KIRREL3: variants seen among roughly 807,000 people sequenced by gnomAD.
The protein encoded by KIRREL3 is kin of IRRE-like protein 3.
A neutral mutation model predicts 89.7 loss-of-function variants in KIRREL3; 36 were observed. That is an observed-to-expected ratio of 0.40 (90% confidence interval 0.31 to 0.53). The LOEUF (loss-of-function observed/expected upper bound fraction) is 0.53. KIRREL3 is among the 20% of genes least tolerant of loss of function. The probability of loss-of-function intolerance (pLI) is 0.49; values close to 1 mark genes in which losing one functional copy is unlikely to be tolerated. For synonymous variants in KIRREL3, 445 were observed against 441.4 expected (o/e 1.01, Z -0.10); for missense variants, 864 against 1,056.6 (o/e 0.82, Z 2.53).
At chr11:126,629,358 G>T (rs1458362865) in intron 1 of KIRREL3, among the ~76,000 whole-genome samples, 2 of 152,146 alleles carry the variant, frequency 1.3e-5, no homozygotes, top group Non-Finnish European at 2.9e-5. Context: ...TGCCAGCCTT[G>T]TGAGCTTCCT....
intron 1 of KIRREL3, among the ~76,000 whole-genome samples, chr11:126,952,520 AT>A (rs1192460659): frequency 6.6e-6 from 1 of 152,088 alleles, no homozygotes; most frequent in Admixed American, 6.5e-5. Flanking sequence ...ATTTTCTCCC[AT>A]TTTTTAGGTT....
At chr11:126,854,582 C>A (rs7102096) in intron 1 of KIRREL3, among the ~76,000 whole-genome samples, 128,724 of 152,204 alleles carry the variant, frequency 0.85, 54,618 homozygotes, top group East Asian at 1. Context: ...GAATTATATT[C>A]TATTGTAAAT....
intron 16 of KIRREL3, among the ~76,000 whole-genome samples, 183 bp from the exon 17 acceptor site, chr11:126,425,206 G>A (rs1251164513): frequency 6.6e-6 from 1 of 152,196 alleles, no homozygotes; most frequent in African/African-American, 2.4e-5. Flanking sequence ...GGGGAAGAAG[G>A]ACACTGAACA....
intron 1 of KIRREL3, among the ~76,000 whole-genome samples, chr11:126,880,718 T>C (rs1400279458): frequency 6.6e-6 from 1 of 151,998 alleles, no homozygotes; most frequent in African/African-American, 2.4e-5. Context: ...TATGCAAAAG[T>C]ACTCCACAGT....
intron 1 of KIRREL3, among the ~76,000 whole-genome samples, chr11:126,888,275 G>T (rs1945776278): frequency 6.6e-6 from 1 of 152,148 alleles, no homozygotes; most frequent in Non-Finnish European, 1.5e-5. Flanking sequence ...ACAATTCAGA[G>T]CTCTCTGGGG....
intron 4 of KIRREL3, among the ~76,000 whole-genome samples, chr11:126,509,123 G>A (rs1191637667): frequency 1.3e-5 from 2 of 152,192 alleles, no homozygotes; most frequent in Non-Finnish European, 2.9e-5. Context: ...GTGAAAGCCA[G>A]TCTCCTAGGC....
chr11:126,444,810 G>C (rs889552967), intron 10 of KIRREL3, among the ~76,000 whole-genome samples, 169 bp downstream of exon 10: 1 of 152,184 alleles, frequency 6.6e-6, no homozygotes, highest in South Asian at 2.1e-4. Context: ...CCTCAGCCTG[G>C]GTCTGACGGG....
rs948333598 is a variant in KIRREL3, at chr11:126,557,731, C to A, written c.133+5104G>T. ...CTGTCGAAGAAATGAGATTCTCAAC[C>A]TCCCAGGGCTCTGACTCCCCTGTAA... On this transcript the variant is annotated intron_variant, in intron 2 of 16. Transcript: ENST00000525144. This position sits in a 1 kb window ranked among gnomAD's most constrained non-coding sequence, Gnocchi z 5.6. Among the ~76,000 whole-genome samples the A allele has an allele frequency of 3.9e-4, 59 of 152,330 alleles. 1 individual carries two copies. The highest frequency in any genetic ancestry group is 6.3e-4 in the Non-Finnish European group (43 of 68,040).
chr11:126,675,401 T>A (rs1013570519), intron 1 of KIRREL3, among the ~76,000 whole-genome samples: 1 of 152,226 alleles, frequency 6.6e-6, no homozygotes, highest in African/African-American at 2.4e-5. Context: ...AGCCCACAAC[T>A]TTGGACTGAG....
At chr11:126,821,749 A>G (rs189812272) in intron 1 of KIRREL3, among the ~76,000 whole-genome samples, 49 of 152,190 alleles carry the variant, frequency 3.2e-4, no homozygotes, top group African/African-American at 1.1e-3. Flanking sequence ...TTATAAGTGG[A>G]GGAGAGGGAC....
In KIRREL3 at chr11:126,955,948, G is replaced by A. The variant is rs909092627; in HGVS notation, c.55+44507C>T. Among the ~76,000 whole-genome samples, 2 of 152,138 alleles carry A rather than the reference G, an allele frequency of 1.3e-5. No individual in the cohort carries two copies. The highest frequency in any genetic ancestry group is 4.1e-4 in the South Asian group (2 of 4,832). ...CATGAATTGAATTACACAACAAAAT[G>A]CAAAATGTTAAACGTTCTATGAAAA... On this transcript the variant is annotated intron_variant, in intron 1 of 16. Transcript: ENST00000525144. The surrounding 1 kb of genome is among the most constrained non-coding windows in gnomAD (Gnocchi z 4.6).
rs1948079527 is a variant in KIRREL3 at position 126,719,188 on chromosome 11, G to T, written c.56-156276C>A. 1.3e-5 allele frequency among the ~76,000 whole-genome samples: 2 copies of T among 152,204 alleles called. No homozygotes were observed. Among genetic ancestry groups the T allele is most frequent in the South Asian group, 2.1e-4 (1 of 4,814 alleles). On this transcript the variant is annotated intron_variant, in intron 1 of 16. Coordinates refer to ENST00000525144, the MANE Select transcript of KIRREL3 (RefSeq NM_032531.4). This position sits in a 1 kb window ranked among gnomAD's most constrained non-coding sequence, Gnocchi z 4.7. ...TCGGTAACCCACTTATTCTGGTTTT[G>T]TCTCAAATCTAAAAATACGCCACTG... is the stretch of plus-strand genomic sequence containing the variant.
rs781003812 is a variant in KIRREL3 at position 126,570,705 on chromosome 11, C to T, written c.56-7793G>A. Among the ~76,000 whole-genome samples the T allele has an allele frequency of 7.9e-5, 12 of 152,302 alleles. No homozygotes were observed. The highest frequency in any genetic ancestry group is 3.4e-3 in the Middle Eastern group (1 of 294). ...GGCTGGCATAGCTCTATCCCCCATGCGGCCAAGGCAGGCATTATCAGCAAC... is the reference window on the plus strand; with the variant it reads ...GGCTGGCATAGCTCTATCCCCCATGTGGCCAAGGCAGGCATTATCAGCAAC... On this transcript the variant is annotated intron_variant, in intron 1 of 16. Coordinates refer to ENST00000525144, the MANE Select transcript of KIRREL3 (RefSeq NM_032531.4). The surrounding 1 kb of genome is among the most constrained non-coding windows in gnomAD (Gnocchi z 6.1).
At chr11:126,840,338 G>A (rs886771687) in intron 1 of KIRREL3, among the ~76,000 whole-genome samples, 1 of 152,068 alleles carries the variant, frequency 6.6e-6, no homozygotes, top group Non-Finnish European at 1.5e-5. Context: ...AACATTCAGC[G>A]CCCAGGGTCA....
intron 1 of KIRREL3, among the ~76,000 whole-genome samples, chr11:126,629,175 G>A (rs1943914267): frequency 6.6e-6 from 1 of 152,232 alleles, no homozygotes. Flanking sequence ...TGATTTAGTT[G>A]CTCTCTGGGG....
intron 1 of KIRREL3, among the ~76,000 whole-genome samples, chr11:126,760,876 CTT>C: frequency 6.6e-6 from 1 of 152,324 alleles, no homozygotes; most frequent in African/African-American, 2.4e-5. Context: ...TGGAAAAACA[CTT>C]TATAGGCTGG....
At chr11:126,481,963 T>C (rs970503646) in intron 4 of KIRREL3, among the ~76,000 whole-genome samples, 2 of 152,224 alleles carry the variant, frequency 1.3e-5, no homozygotes, top group African/African-American at 4.8e-5. Flanking sequence ...CTTACCTCAA[T>C]TCCTCCTTGT....
intron 1 of KIRREL3, among the ~76,000 whole-genome samples, chr11:126,865,925 A>G (rs1391328038): frequency 6.6e-6 from 1 of 151,984 alleles, no homozygotes; most frequent in Middle Eastern, 3.2e-3. Context: ...ACCTCCACCG[A>G]GTTTCCGGCT....
rs1178134748 is a variant in KIRREL3, at chr11:126,830,864, G to GA, written c.55+169590dup. ...CCCTGTTCCTTTATTAGAGCAATCA[G>GA]AAAAAAGATCACATAATTACCAAGA... On this transcript the variant is annotated intron_variant, in intron 1 of 16. Transcript: ENST00000525144. The surrounding 1 kb of genome is among the most constrained non-coding windows in gnomAD (Gnocchi z 4.9). Among the ~76,000 whole-genome samples, 1 of 152,138 alleles carries GA rather than the reference G, an allele frequency of 6.6e-6. No homozygotes were observed. Among genetic ancestry groups the GA allele is most frequent in the Non-Finnish European group, 1.5e-5 (1 of 68,016 alleles).
Sources: gnomAD v4.1 joint callset for allele counts (sites outside exome capture counted in the v4.1 genomes callset) on GRCh38, gnomAD v4.1.1 for gene constraint, Gnocchi (gnomAD v3.1) non-coding constraint, MANE v1.5 for transcripts, NCBI Gene and HGNC (gene_info 2026-07-23, HGNC 2026-07-21) for gene names.